QTMAN: variants seen among roughly 807,000 people sequenced by gnomAD.
QTMAN encodes the protein tRNA-queuosine alpha-mannosyltransferase.
chr2:144,318,194 A>AACACACACACACACACACAC, the QTMAN span, among the ~76,000 whole-genome samples: 97 of 142,022 alleles, frequency 6.8e-4, no homozygotes, highest in African/African-American at 2.3e-3. Flanking sequence ...TATTTAAATA[A>AACACACACACACACACACAC]ACACACACAC....
At chr2:144,114,685 TACAAAACAAAACAAAACAAA>T in the QTMAN span, among the ~76,000 whole-genome samples, 5 of 149,710 alleles carry the variant, frequency 3.3e-5, no homozygotes, top group South Asian at 2.1e-4. Flanking sequence ...GTGCCCACAC[TACAAAACAAAACAAAACAAA>T]ACAAAACAAA....
At chr2:143,964,920 G>A in the QTMAN span, among the ~76,000 whole-genome samples, 2 of 152,182 alleles carry the variant, frequency 1.3e-5, no homozygotes, top group Non-Finnish European at 2.9e-5. Flanking sequence ...CATGTCTGCA[G>A]CATGGAAAGA....
the QTMAN span, among the ~76,000 whole-genome samples, chr2:144,121,935 A>G: frequency 6.6e-6 from 1 of 152,226 alleles, no homozygotes; most frequent in Non-Finnish European, 1.5e-5. Context: ...AATTCAATTT[A>G]TGGAGAGAGC....
the QTMAN span, among the ~76,000 whole-genome samples, chr2:144,312,366 C>T: frequency 1.3e-5 from 2 of 152,030 alleles, no homozygotes; most frequent in Admixed American, 6.5e-5. Context: ...CCCATTATCC[C>T]GCCCACAGTC....
the QTMAN span, among the ~76,000 whole-genome samples, chr2:144,154,871 T>C: frequency 6.6e-6 from 1 of 152,226 alleles, no homozygotes; most frequent in South Asian, 2.1e-4. Context: ...TCTGTCTTAT[T>C]CCCCATCCTA....
chr2:143,939,893 CCCA>C, the QTMAN span: 1 of 152,132 alleles, frequency 6.6e-6, no homozygotes, highest in Non-Finnish European at 1.5e-5. Flanking sequence ...TTTTCTACCC[CCCA>C]CATTTGTCCA....
At chr2:143,950,736 TACAA>T in the QTMAN span, among the ~76,000 whole-genome samples, 15 of 151,648 alleles carry the variant, frequency 9.9e-5, no homozygotes, top group African/African-American at 3.6e-4. Flanking sequence ...TGATATTTCA[TACAA>T]ACAAAACTAC....
At chr2:144,045,679 G>A in the QTMAN span, among the ~76,000 whole-genome samples, 24,346 of 152,128 alleles carry the variant, frequency 0.16, 3,685 homozygotes, top group African/African-American at 0.39. Flanking sequence ...TCATTTATAA[G>A]TATTAGTTGT....
the QTMAN span, among the ~76,000 whole-genome samples, chr2:144,186,954 A>C: frequency 1.3e-5 from 2 of 152,232 alleles, no homozygotes; most frequent in Non-Finnish European, 2.9e-5. Flanking sequence ...CTCTAAAGCC[A>C]TAACTGTGTT....
chr2:144,203,953 C>T, the QTMAN span, among the ~76,000 whole-genome samples: 1 of 151,998 alleles, frequency 6.6e-6, no homozygotes, highest in Non-Finnish European at 1.5e-5. Flanking sequence ...ATGTAGAAAG[C>T]TGAAACTGGA....
the QTMAN span, chr2:143,947,219 G>T: frequency 1.0e-6 from 1 of 969,632 alleles, no homozygotes; most frequent in Non-Finnish European, 1.6e-6. Context: ...AATTTATATT[G>T]CAAATTTGCA....
At chr2:143,976,405 C>G in the QTMAN span, among the ~76,000 whole-genome samples, 1 of 152,214 alleles carries the variant, frequency 6.6e-6, no homozygotes. Flanking sequence ...TTCTAATATT[C>G]TGCTAACCTT....
chr2:144,318,520 C>T, the QTMAN span, among the ~76,000 whole-genome samples: 3 of 152,282 alleles, frequency 2.0e-5, no homozygotes, highest in Admixed American at 1.3e-4. Flanking sequence ...ATCAATTCCA[C>T]ATAAAGCTAT....
chr2:144,243,708 A>G, the QTMAN span, among the ~76,000 whole-genome samples: 8 of 152,324 alleles, frequency 5.3e-5, no homozygotes, highest in African/African-American at 1.4e-4. Context: ...GTGATAATTT[A>G]TCTGGCCCCA....
chr2:144,323,378 GT>G, the QTMAN span, among the ~76,000 whole-genome samples: 1 of 152,192 alleles, frequency 6.6e-6, no homozygotes, highest in African/African-American at 2.4e-5. Context: ...ACATTCTTAA[GT>G]GAAAGTGGCT....
At chr2:144,225,443 C>A in the QTMAN span, among the ~76,000 whole-genome samples, 21 of 152,296 alleles carry the variant, frequency 1.4e-4, no homozygotes, top group Admixed American at 7.2e-4. Context: ...AAAACCTATA[C>A]TTTTTCTAAG....
chr2:144,252,381 TTAAAATAAAA>T, the QTMAN span, among the ~76,000 whole-genome samples: 2 of 151,848 alleles, frequency 1.3e-5, no homozygotes, highest in Admixed American at 6.6e-5. Flanking sequence ...CCTGTGTCTT[TTAAAATAAAA>T]TAAAATAAAA....
At chr2:144,272,415 G>C in the QTMAN span, among the ~76,000 whole-genome samples, 1 of 151,884 alleles carries the variant, frequency 6.6e-6, no homozygotes, top group African/African-American at 2.4e-5. Context: ...TCTGATTTTT[G>C]TTTCACTACA....
the QTMAN span, among the ~76,000 whole-genome samples, chr2:144,320,856 G>A: frequency 6.6e-6 from 1 of 152,044 alleles, no homozygotes; most frequent in African/African-American, 2.4e-5. Context: ...CACTCCTCTT[G>A]GCTTCCACTG....
Sources: gnomAD v4.1 joint callset for allele counts (sites outside exome capture counted in the v4.1 genomes callset) on GRCh38, gnomAD v4.1.1 for gene constraint, MANE v1.5 for transcripts, NCBI Gene and HGNC (gene_info 2026-07-23, HGNC 2026-07-21) for gene names.